SNW1: variants seen among roughly 807,000 people sequenced by gnomAD.
SNW1 encodes the protein SNW domain-containing protein 1.
In SNW1, 9 loss-of-function variants were observed where a neutral mutation model predicts 75.6. That is an observed-to-expected ratio of 0.12 (90% CI 0.07 to 0.21). The LOEUF is 0.21. Ranked by LOEUF, SNW1 falls within the 10% of genes least tolerant of loss-of-function variation. SNW1 has a pLI of 1.00. For missense variants in SNW1, 409 were observed against 670.9 expected (o/e 0.61, Z 4.31); for synonymous variants, 200 against 219.1 (o/e 0.91, Z 0.77).
intron 8 of SNW1, chr14:77,733,849 C>T (rs1278095173): frequency 6.9e-6 from 2 of 288,606 alleles, no homozygotes; most frequent in Non-Finnish European, 1.4e-5. Flanking sequence ...TTCAATAACT[C>T]AAGAACTGTA....
At chr14:77,741,001 G>A (rs2080713938) in intron 3 of SNW1, among the ~76,000 whole-genome samples, 1 of 150,854 alleles carries the variant, frequency 6.6e-6, no homozygotes, top group African/African-American at 2.4e-5. Flanking sequence ...AGACGCTGAG[G>A]CAGGAGAATC....
intron 3 of SNW1, among the ~76,000 whole-genome samples, chr14:77,741,426 G>A (rs1385732219): frequency 6.6e-6 from 1 of 152,104 alleles, no homozygotes; most frequent in African/African-American, 2.4e-5. Flanking sequence ...ATAAGCTACT[G>A]ATTTCCCAGA....
chr14:77,739,612 G>T (rs1334787029), intron 3 of SNW1, among the ~76,000 whole-genome samples: 1 of 123,486 alleles, frequency 8.1e-6, no homozygotes, highest in Non-Finnish European at 1.8e-5. Flanking sequence ...GAAGACAAAA[G>T]AAAAAAAAAA....
At chr14:77,732,689 G>C (rs1195873397) in intron 8 of SNW1, 88 bp from the exon 9 acceptor site, 1 of 791,978 alleles carries the variant, frequency 1.3e-6, no homozygotes, top group African/African-American at 1.7e-5. Flanking sequence ...TTTCGAGCTG[G>C]AGTCTTGCTC....
intron 12 of SNW1, among the ~76,000 whole-genome samples, chr14:77,719,759 T>C (rs529866775): frequency 1.4e-4 from 22 of 152,348 alleles, no homozygotes; most frequent in Middle Eastern, 3.4e-3. Context: ...TAAGAGATAA[T>C]AGTATTATTT....
At chr14:77,725,734 ATGGCAAAACCCTGTCTCT>A (rs1400073936) in intron 10 of SNW1, among the ~76,000 whole-genome samples, 2 of 152,026 alleles carry the variant, frequency 1.3e-5, no homozygotes, top group African/African-American at 4.8e-5. Context: ...CCTGGGTGTA[ATGGCAAAACCCTGTCTCT>A]AAAATAACAC....
In SNW1 at chr14:77,738,833, C is replaced by T. The variant is rs1370115236; in HGVS notation, c.478G>A (p.Ala160Thr). 8.1e-6 allele frequency: 13 copies of T among 1,614,108 alleles called. No individual in the cohort carries two copies. Among genetic ancestry groups the T allele is most frequent in the Non-Finnish European group, 1.0e-5 (12 of 1,180,022 alleles). Residue 160 changes from alanine to threonine, a missense_variant, in exon 5 of 14, where the codon GCC becomes ACC. Ala to Thr is a moderately conservative substitution (Grantham distance 58). Around this residue, in one of 9 missense-constraint regions of SNW1, gnomAD observed 70 missense variants for 136.7 expected, o/e 0.51. Transcript: ENST00000261531. The stretch of plus-strand genomic sequence containing the variant: ...GCTGCTCGAACTGGCATGGCTGCGG[C>T]GACCTTCTGTGATACAGATTTTTCT... ...ALEKSVSQKV[A>T]AAMPVRAADK...
intron 3 of SNW1, among the ~76,000 whole-genome samples, chr14:77,740,100 C>T (rs2080705411): frequency 7.1e-6 from 1 of 141,072 alleles, no homozygotes; most frequent in Non-Finnish European, 1.5e-5. Flanking sequence ...CGTCACTGCA[C>T]TCCAGCCTGG....
At chr14:77,735,407 T>A (rs1258759317) in intron 7 of SNW1, among the ~76,000 whole-genome samples, 1 of 152,140 alleles carries the variant, frequency 6.6e-6, no homozygotes, top group Admixed American at 6.5e-5. Flanking sequence ...TGCCTCAGCC[T>A]CCCAAGTAGC....
At chr14:77,755,402 T>C (rs2080836145) in intron 1 of SNW1, among the ~76,000 whole-genome samples, 2 of 152,134 alleles carry the variant, frequency 1.3e-5, no homozygotes, top group African/African-American at 4.8e-5. Context: ...GACAAACTCT[T>C]AAGCGTTTAT....
At chr14:77,723,820 A>AATTTTTT (rs1204962967) in intron 10 of SNW1, among the ~76,000 whole-genome samples, 1 of 152,122 alleles carries the variant, frequency 6.6e-6, no homozygotes, top group Admixed American at 6.6e-5. Context: ...ATGCCGGGCT[A>AATTTTTT]ATTTTTTATT....
intron 9 of SNW1, 39 bp downstream of exon 9, chr14:77,732,446 A>G (rs1207805510): frequency 3.6e-6 from 4 of 1,112,766 alleles, no homozygotes; most frequent in Non-Finnish European, 5.5e-6. Context: ...ATGGATTTTA[A>G]AAGTAACAAG....
chr14:77,742,110 C>T (rs1474866268), intron 3 of SNW1, among the ~76,000 whole-genome samples: 1 of 151,978 alleles, frequency 6.6e-6, no homozygotes, highest in Admixed American at 6.6e-5. Context: ...CAGCTCATAG[C>T]AACCTCCGCC....
chr14:77,722,422 G>A, intron 11 of SNW1: 1 of 402,278 alleles, frequency 2.5e-6, no homozygotes, highest in South Asian at 1.7e-5. Flanking sequence ...TTTCAAAACT[G>A]CTCTTCTCCT....
intron 11 of SNW1, 34 bp downstream of exon 11, chr14:77,723,147 A>G (rs1157471340): frequency 1.9e-6 from 3 of 1,556,510 alleles, no homozygotes; most frequent in South Asian, 2.2e-5. Flanking sequence ...GCGCCCGGCC[A>G]CCATGATTGG....
chr14:77,761,073 C>T, intron 1 of SNW1, 41 bp downstream of exon 1: 1 of 1,614,230 alleles, frequency 6.2e-7, no homozygotes, highest in African/African-American at 1.3e-5. Flanking sequence ...GACTGGTACT[C>T]CCAGACCCTT....
intron 6 of SNW1, among the ~76,000 whole-genome samples, chr14:77,736,308 G>T (rs773055553): frequency 6.6e-6 from 1 of 152,140 alleles, no homozygotes; most frequent in Non-Finnish European, 1.5e-5. Context: ...AGCACTTTGG[G>T]AGGCCAAGGT....
chr14:77,753,911 C>T (rs1372420809), intron 2 of SNW1, among the ~76,000 whole-genome samples: 2 of 151,226 alleles, frequency 1.3e-5, no homozygotes, highest in Non-Finnish European at 2.9e-5. Context: ...CAAGATCGCA[C>T]CACTGCACTC....
chr14:77,719,839 A>C (rs1198755695), intron 12 of SNW1, among the ~76,000 whole-genome samples: 1 of 106,216 alleles, frequency 9.4e-6, no homozygotes, highest in Non-Finnish European at 2.4e-5. Context: ...AAATGCATCT[A>C]ATAAATTATC....
Sources: allele counts gnomAD v4.1 joint callset (sites outside exome capture counted in the v4.1 genomes callset), GRCh38; gene constraint gnomAD v4.1.1; regional missense constraint gnomAD v4.1.1; transcripts MANE v1.5; gene names NCBI Gene and HGNC (gene_info 2026-07-23, HGNC 2026-07-21).